Variants in CLUAP1 observed in about 807,000 individuals in gnomAD.
CLUAP1 encodes clusterin-associated protein 1.
CLUAP1 carries 50 observed loss-of-function variants against 55.0 expected under a neutral mutation model. The observed-to-expected ratio is 0.91, with a 90% CI of 0.72 to 1.15. The LOEUF (loss-of-function observed/expected upper bound fraction) is 1.15, where lower values mean the gene tolerates loss of function less well. Among genes scored for constraint, CLUAP1 ranks in the 50% most tolerant of loss-of-function variants. CLUAP1 has a pLI of 0.00. For synonymous variants in CLUAP1, 195 were observed against 175.4 expected, an observed-to-expected ratio of 1.11 and a Z score of -0.88; for missense variants, 530 against 507.6, an observed-to-expected ratio of 1.04 and a Z score of -0.42.
chr16:3,509,731 T>G (rs536814470), intron 4 of CLUAP1, among the ~76,000 whole-genome samples: 55 of 152,354 alleles, frequency 3.6e-4, no homozygotes, highest in African/African-American at 1.2e-3. Context: ...GCTCCAAGTC[T>G]GCTGCAGGGA....
In CLUAP1 at chr16:3,506,315, T is replaced by C; in HGVS notation, c.135-16T>C. On this transcript the variant is annotated splice_polypyrimidine_tract_variant and intron_variant, in intron 2 of 11. Transcript: ENST00000576634. ...CTTGGTTAACCCGTGCTCTCTCCTC[T>C]TACCTCTCTTGATAGATATGAGCCC... 6.2e-7 allele frequency: 1 copy of C among 1,607,050 alleles called. No individual in the cohort carries two copies. The highest frequency in any genetic ancestry group is 8.5e-7 in the Non-Finnish European group (1 of 1,173,620).
Position 3,514,981 on chromosome 16 carries a change from C to T in CLUAP1, c.496-527C>T, listed in dbSNP as rs117858713. On this transcript the variant is annotated intron_variant, in intron 5 of 11. Transcript: ENST00000576634. ...GCAGGGCCATGGTCACTGTTCTTAT[C>T]GGTTGCGTTTGTTAGTGATAGGCAA... Among the ~76,000 whole-genome samples the T allele has an allele frequency of 5.4e-3, 817 of 152,214 alleles. 2 individuals carry two copies. The highest frequency in any genetic ancestry group is 0.01 in the Middle Eastern group (3 of 294).
At chr16:3,495,584 C>T in the CLUAP1 span, 15 of 1,430,632 alleles carry the variant, frequency 1.0e-5, no homozygotes, top group East Asian at 2.8e-4. Flanking sequence ...TGGGAGAGGA[C>T]AGTGCCCAAG....
intron 9 of CLUAP1, among the ~76,000 whole-genome samples, chr16:3,529,586 T>C (rs1484984304): frequency 2.2e-5 from 1 of 45,024 alleles, no homozygotes; most frequent in Non-Finnish European, 3.5e-5. Flanking sequence ...TATATAATAT[T>C]ATATATTATT....
intron 7 of CLUAP1, among the ~76,000 whole-genome samples, chr16:3,521,386 A>G (rs1176844389): frequency 1.3e-5 from 2 of 151,990 alleles, no homozygotes; most frequent in Non-Finnish European, 2.9e-5. Context: ...ATAATAAGAA[A>G]AAAGAAAAAG....
In CLUAP1 at chr16:3,536,384, T is replaced by G; in HGVS notation, c.*113T>G. On this transcript the variant is annotated 3_prime_UTR_variant, in exon 12 of 12. Transcript: ENST00000576634. ...TTGTTTACTAAGCTGGCTGGACTCATGATCACTGAAGCAATACTTATTTCT... is the reference window on the plus strand; with the variant it reads ...TTGTTTACTAAGCTGGCTGGACTCAGGATCACTGAAGCAATACTTATTTCT... 8.9e-7 allele frequency: 1 copy of G among 1,125,188 alleles called. No homozygotes were observed. Among genetic ancestry groups the G allele is most frequent in the South Asian group, 1.6e-5 (1 of 63,708 alleles). The allele number at this position is 1,125,188 out of a possible 1,614,324, so 69.7% of individuals were successfully genotyped here.
chr16:3,521,368 T>A (rs954545143), intron 7 of CLUAP1, among the ~76,000 whole-genome samples: 15 of 152,082 alleles, frequency 9.9e-5, no homozygotes, highest in African/African-American at 3.6e-4. Flanking sequence ...ATTTTCCCTT[T>A]AAGGTCAATA....
intron 8 of CLUAP1, among the ~76,000 whole-genome samples, chr16:3,523,719 C>T (rs2037883796): frequency 6.6e-6 from 1 of 152,216 alleles, no homozygotes; most frequent in African/African-American, 2.4e-5. Flanking sequence ...GCTTGCTTGG[C>T]TTTGGGAGGC....
intron 1 of CLUAP1, among the ~76,000 whole-genome samples, chr16:3,502,469 A>G (rs1238283666): frequency 6.6e-6 from 1 of 151,042 alleles, no homozygotes; most frequent in Non-Finnish European, 1.5e-5. Context: ...AAGGAAAGGT[A>G]GATGATGATT....
chr16:3,534,375 CGAG>C (rs2038190445), intron 11 of CLUAP1: 1 of 152,870 alleles, frequency 6.5e-6, no homozygotes, highest in South Asian at 2.1e-4. Context: ...CTCCTCGCAT[CGAG>C]GAGCAGAGGC....
upstream of CLUAP1, among the ~76,000 whole-genome samples, chr16:3,499,345 CA>C (rs376996575): frequency 0.012 from 1,729 of 149,000 alleles, 37 homozygotes; most frequent in African/African-American, 0.04. Context: ...GAGTCCATCT[CA>C]AAAAAAAAAG....
At chr16:3,508,261 A>G in intron 3 of CLUAP1, 28 bp from the exon 4 acceptor site, 1 of 1,496,380 alleles carries the variant, frequency 6.7e-7, no homozygotes, top group Non-Finnish European at 9.1e-7. Context: ...AGGGCCTTCA[A>G]CTTTTTTTTT....
At chr16:3,518,950 G>A (rs1447446178) in intron 6 of CLUAP1, among the ~76,000 whole-genome samples, 1 of 152,170 alleles carries the variant, frequency 6.6e-6, no homozygotes, top group Non-Finnish European at 1.5e-5. Flanking sequence ...AGAGCTGGAG[G>A]GGAAGCCCCA....
At chr16:3,507,680 T>TTG (rs61672090) in intron 3 of CLUAP1, among the ~76,000 whole-genome samples, 16,568 of 142,958 alleles carry the variant, frequency 0.12, 1,106 homozygotes, top group African/African-American at 0.2. Context: ...CTTCCAGAGT[T>TTG]TGTGTGTGTG....
chr16:3,527,372 CA>C (rs2037965371), intron 9 of CLUAP1, among the ~76,000 whole-genome samples: 1 of 152,094 alleles, frequency 6.6e-6, no homozygotes, highest in South Asian at 2.1e-4. Context: ...GACCAGAAGA[CA>C]AGAGTGCAAA....
intron 2 of CLUAP1, 56 bp downstream of exon 2, chr16:3,504,887 T>A: frequency 9.4e-7 from 1 of 1,061,558 alleles, no homozygotes; most frequent in Admixed American, 1.7e-5. Flanking sequence ...TATTTATTAG[T>A]CATCTAGAAA....
intron 1 of CLUAP1, among the ~76,000 whole-genome samples, chr16:3,501,693 AATC>A (rs1314380514): frequency 6.6e-6 from 1 of 152,046 alleles, no homozygotes; most frequent in Non-Finnish European, 1.5e-5. Flanking sequence ...GAAGCAGGAG[AATC>A]GCTTTGGAGG....
chr16:3,495,608 G>T, the CLUAP1 span: 2 of 1,281,646 alleles, frequency 1.6e-6, no homozygotes, highest in Non-Finnish European at 2.1e-6. Context: ...AGGGCAGGGT[G>T]AAAGAAAGGC....
chr16:3,510,298 AT>A (rs562528367), intron 4 of CLUAP1, among the ~76,000 whole-genome samples: 4,073 of 129,506 alleles, frequency 0.031, 117 homozygotes, highest in African/African-American at 0.082. Flanking sequence ...CCGGCTTTGT[AT>A]TTTTTTTTTT....
Sources: gnomAD v4.1 joint callset for allele counts (sites outside exome capture counted in the v4.1 genomes callset) on GRCh38, gnomAD v4.1.1 for gene constraint, MANE v1.5 for transcripts, NCBI Gene and HGNC (gene_info 2026-07-23, HGNC 2026-07-21) for gene names.